ZNF460: variants seen among roughly 807,000 people sequenced by gnomAD.
The protein encoded by ZNF460 is zinc finger protein 272.
In ZNF460, 1 loss-of-function variant was observed where a neutral mutation model predicts 8.4. That is an observed-to-expected ratio of 0.12 (90% confidence interval 0.04 to 0.56). The LOEUF is 0.56. Among genes scored for constraint, ZNF460 ranks in the 20% least tolerant of loss-of-function variants. ZNF460 has a pLI of 0.91. For missense variants in ZNF460, 477 were observed against 714.8 expected, an observed-to-expected ratio of 0.67 and a Z score of 3.79; for synonymous variants, 262 against 259.9, an observed-to-expected ratio of 1.01 and a Z score of -0.08.
intron 2 of ZNF460, among the ~76,000 whole-genome samples, chr19:57,289,019 TA>T (rs199946415): frequency 0.22 from 32,944 of 151,674 alleles, 4,171 homozygotes; most frequent in Admixed American, 0.26. Flanking sequence ...CTTTTTCTAG[TA>T]TTTTCAGGTT....
Position 57,290,702 on chromosome 19 carries a change from A to T in ZNF460, c.161A>T (p.Asp54Val). 6.2e-7 allele frequency: 1 copy of T among 1,610,324 alleles called. No homozygotes were observed. The stretch of plus-strand genomic sequence containing the variant: ...TTGTGTATTGTGTTCCCTTCAGGTG[A>T]CAGCACAAAACCTGAGACCGTAGAG... ...ETCGLLVALG[D>V]STKPETVEPI... Residue 54 changes from aspartate to valine, a missense_variant, in exon 3 of 3, where the codon GAC (aspartate) becomes GTC (valine). Around this residue, in one of 5 missense-constraint regions of ZNF460, gnomAD observed 169 missense variants for 178.6 expected, o/e 0.95. Coordinates refer to ENST00000360338, the MANE Select transcript of ZNF460 (RefSeq NM_006635.4).
intron 2 of ZNF460, among the ~76,000 whole-genome samples, chr19:57,290,265 C>A (rs2087907146): frequency 6.6e-6 from 1 of 152,172 alleles, no homozygotes; most frequent in African/African-American, 2.4e-5. Context: ...GCTGGGATTA[C>A]AGGCATGAGC....
At chr19:57,289,541 GC>G (rs991388028) in intron 2 of ZNF460, among the ~76,000 whole-genome samples, 7 of 152,232 alleles carry the variant, frequency 4.6e-5, no homozygotes, top group African/African-American at 9.6e-5. Context: ...TACATTAAGT[GC>G]CCCTTCCCTG....
In ZNF460 at chr19:57,287,585, A is replaced by C. The variant is rs540776222; in HGVS notation, c.157+2908A>C. Among the ~76,000 whole-genome samples the C allele has an allele frequency of 2.0e-5, 3 of 152,236 alleles. No individual in the cohort carries two copies. In the South Asian group the frequency reaches 6.2e-4, roughly 32 times the overall value. ...TGATCTTCCCTCCTTGGCCTCCTAA[A>C]GTGCTGGGATTATAGGCATGAGCCA... On this transcript the variant is annotated intron_variant, in intron 2 of 2. Coordinates refer to ENST00000360338, the MANE Select transcript of ZNF460 (RefSeq NM_006635.4).
chr19:57,292,382 G>A lies in ZNF460; in HGVS notation c.*152G>A, dbSNP rs2087925221. 3.8e-6 allele frequency: 3 copies of A among 789,338 alleles called. No homozygotes were observed. In the East Asian group the frequency reaches 7.5e-5, roughly 20 times the overall value. The allele number at this position is 789,338 out of a possible 1,614,324, so 48.9% of individuals were successfully genotyped here. On this transcript the variant is annotated 3_prime_UTR_variant, in exon 3 of 3. Transcript: ENST00000360338. ...TTCATACTGAAGAGAAACTCCATAA[G>A]TATCATCTCTGTGGGAAAACCTGTT...
At position 57,293,530 on chromosome 19, in the gene ZNF460, G is replaced by A. The variant is rs1048515922; in HGVS notation, c.*1300G>A. 2.0e-5 allele frequency: 3 copies of A among 152,164 alleles called. No homozygotes were observed. Among genetic ancestry groups the A allele is most frequent in the African/African-American group, 7.2e-5 (3 of 41,438 alleles). 9.4% of individuals were successfully genotyped at this position (152,164 alleles called of 1,614,324 possible). ...ATTGACAATGTTTATGGGGTTTGGTGTGATATTTCAATACATGTGTGCTAA... is the reference window on the plus strand; with the variant it reads ...ATTGACAATGTTTATGGGGTTTGGTATGATATTTCAATACATGTGTGCTAA... On this transcript the variant is annotated 3_prime_UTR_variant, in exon 3 of 3. Transcript: ENST00000360338.
intron 2 of ZNF460, among the ~76,000 whole-genome samples, chr19:57,287,672 T>C (rs2087889061): frequency 6.6e-6 from 1 of 152,200 alleles, no homozygotes; most frequent in Non-Finnish European, 1.5e-5. Context: ...AATGTACCAT[T>C]TCACTTTCTG....
Position 57,280,595 on chromosome 19 carries a change from C to T in ZNF460, c.-212C>T, listed in dbSNP as rs184661948. The stretch of plus-strand genomic sequence containing the variant: ...CGCGTCTTGGCGGGAGCCTGACGCC[C>T]CGCTTCTCCCCTAACGAGGTGTCCC... On this transcript the variant is annotated 5_prime_UTR_variant, in exon 1 of 3. Coordinates refer to ENST00000360338, the MANE Select transcript of ZNF460 (RefSeq NM_006635.4). The T allele has an allele frequency of 5.4e-4, 336 of 620,518 alleles. 5 individuals are homozygous for T. The East Asian group carries it at 6.3e-3, about 12-fold the overall frequency. The allele number at this position is 620,518 out of a possible 1,614,324, so 38.4% of individuals were successfully genotyped here. A position where few individuals can be genotyped will look rare whatever the true frequency, so the allele number is the denominator to read the frequency against.
At chr19:57,284,235 A>ATT (rs966285687) in intron 1 of ZNF460, among the ~76,000 whole-genome samples, 1 of 148,244 alleles carries the variant, frequency 6.7e-6, no homozygotes, top group South Asian at 2.1e-4. Flanking sequence ...TTATTTATTT[A>ATT]TTTTTTTTTG....
chr19:57,293,762 ATC>A lies in ZNF460; in HGVS notation c.*1536_*1537del, dbSNP rs1249977019. ...GCTGTAATTTTGTATTTGTTAACCAATCTCTATCTGCCTCTCTGCTGTCCTTC... is the reference window on the plus strand; with the variant it reads ...GCTGTAATTTTGTATTTGTTAACCAATCTATCTGCCTCTCTGCTGTCCTTC... On this transcript the variant is annotated 3_prime_UTR_variant, in exon 3 of 3. Transcript: ENST00000360338. 1 of 152,036 alleles carries A rather than the reference ATC, an allele frequency of 6.6e-6. No individual in the cohort carries two copies. The highest frequency in any genetic ancestry group is 2.4e-5 in the African/African-American group (1 of 41,438). 9.4% of individuals were successfully genotyped at this position (152,036 alleles called of 1,614,324 possible).
chr19:57,288,058 A>G (rs1446214158), intron 2 of ZNF460, among the ~76,000 whole-genome samples: 1 of 152,166 alleles, frequency 6.6e-6, no homozygotes, highest in South Asian at 2.1e-4. Flanking sequence ...AGGTTTCTCT[A>G]TATCACAGCA....
rs1030339385 is a variant in ZNF460 at position 57,280,751 on chromosome 19, T to C, written c.-56T>C. ...CTCGGAGTGCGAAAGTCAGCCGAGG[T>C]CGCCCCGCCCAGGACAGAGAAGGGC... On this transcript the variant is annotated 5_prime_UTR_variant, in exon 1 of 3. Transcript: ENST00000360338. 1.9e-6 allele frequency: 3 copies of C among 1,608,940 alleles called. No individual in the cohort carries two copies. Among genetic ancestry groups the C allele is most frequent in the Non-Finnish European group, 2.5e-6 (3 of 1,177,546 alleles).
Position 57,292,347 on chromosome 19 carries a change from C to T in ZNF460, c.*117C>T. 10 of 1,081,922 alleles carry T rather than the reference C, an allele frequency of 9.2e-6. No homozygotes were observed. Among genetic ancestry groups the T allele is most frequent in the Non-Finnish European group, 1.3e-5 (10 of 752,126 alleles). The allele number at this position is 1,081,922 out of a possible 1,614,324, so 67.0% of individuals were successfully genotyped here. A position where few individuals can be genotyped will look rare whatever the true frequency, so the allele number is the denominator to read the frequency against. ...TCTGTGGTGAGAGGAAACATCTTAC[C>T]ATCTGGTCATTCATACTGAAGAGAA... On this transcript the variant is annotated 3_prime_UTR_variant, in exon 3 of 3. Transcript: ENST00000360338.
Position 57,292,643 on chromosome 19 carries a change from C to G in ZNF460, c.*413C>G, listed in dbSNP as rs1170443606. The G allele has an allele frequency of 6.1e-6, 1 of 165,048 alleles. No individual in the cohort carries two copies. The highest frequency in any genetic ancestry group is 2.4e-5 in the African/African-American group (1 of 41,612). The allele number at this position is 165,048 out of a possible 1,614,324, so 10.2% of individuals were successfully genotyped here. A position where few individuals can be genotyped will look rare whatever the true frequency, so the allele number is the denominator to read the frequency against. ...AAATGGAAGCACAGCTTCTTTCAGA[C>G]TTCCCTGACAAGCCCATGGCAATTT... On this transcript the variant is annotated 3_prime_UTR_variant, in exon 3 of 3. Transcript: ENST00000360338.
chr19:57,285,728 T>A lies in ZNF460; in HGVS notation c.157+1051T>A, dbSNP rs143911010. ...TCCCTCCCAGTTTTTTATTTTTCAG[T>A]GGTTCATGAAATGTCGAAGCGTGGA... is the stretch of plus-strand genomic sequence containing the variant. On this transcript the variant is annotated intron_variant, in intron 2 of 2. Transcript: ENST00000360338. Among the ~76,000 whole-genome samples, 134 of 152,306 alleles carry A rather than the reference T, an allele frequency of 8.8e-4. 1 individual carries two copies. Among genetic ancestry groups the A allele is most frequent in the African/African-American group, 3.0e-3 (125 of 41,578 alleles).
intron 2 of ZNF460, 97 bp downstream of exon 2, chr19:57,284,774 C>T: frequency 2.4e-6 from 3 of 1,252,146 alleles, no homozygotes; most frequent in South Asian, 4.6e-5. Context: ...TGGAATAGGT[C>T]TTGGGAGCCA....
chr19:57,280,677 A>G lies in ZNF460; in HGVS notation c.-130A>G. 7.3e-7 allele frequency: 1 copy of G among 1,371,270 alleles called. No homozygotes were observed. The highest frequency in any genetic ancestry group is 1.0e-6 in the Non-Finnish European group (1 of 1,004,938). 84.9% of individuals were successfully genotyped at this position (1,371,270 alleles called of 1,614,324 possible). A position where few individuals can be genotyped will look rare whatever the true frequency, so the allele number is the denominator to read the frequency against. Reference sequence around the variant, plus strand: ...GCCGCCCTCCGTCTCCTCAGCCCCGACGCTGCGCCTTGGGCCTTGTGCGCA... The same window carrying G: ...GCCGCCCTCCGTCTCCTCAGCCCCGGCGCTGCGCCTTGGGCCTTGTGCGCA... On this transcript the variant is annotated 5_prime_UTR_variant, in exon 1 of 3. Transcript: ENST00000360338.
intron 2 of ZNF460, among the ~76,000 whole-genome samples, chr19:57,286,782 C>T (rs963237202): frequency 4.0e-5 from 6 of 151,452 alleles, no homozygotes; most frequent in Admixed American, 6.6e-5. Flanking sequence ...GCCAACATGG[C>T]GAAACCCCGT....
At chr19:57,284,732 C>A in intron 2 of ZNF460, 55 bp downstream of exon 2, 1 of 1,511,432 alleles carries the variant, frequency 6.6e-7, no homozygotes. Flanking sequence ...CAGCTTCATT[C>A]TAGCCTTCAT....
Sources: gnomAD v4.1 joint callset for allele counts (sites outside exome capture counted in the v4.1 genomes callset) on GRCh38, gnomAD v4.1.1 for gene constraint, gnomAD v4.1.1 regional missense constraint, MANE v1.5 for transcripts, NCBI Gene and HGNC (gene_info 2026-07-23, HGNC 2026-07-21) for gene names.